Variants in EXO1 observed in about 807,000 individuals in gnomAD.
EXO1 encodes exonuclease 1.
Under a neutral mutation model 84.5 loss-of-function variants are expected in EXO1, and 69 were observed. That is an observed-to-expected ratio of 0.82 (90% confidence interval 0.67 to 1.00). The LOEUF (loss-of-function observed/expected upper bound fraction) is 1.00. Ranked by LOEUF, EXO1 falls within the 50% of genes least tolerant of loss-of-function variation. EXO1 has a pLI of 0.00. For synonymous variants in EXO1, 373 were observed against 366.1 expected (o/e 1.02, Z -0.21); for missense variants, 1,045 against 1,000.7 (o/e 1.04, Z -0.60).
intron 5 of EXO1, among the ~76,000 whole-genome samples, 161 bp from the exon 6 acceptor site, chr1:241,853,197 A>G (rs1187823846): frequency 6.6e-6 from 1 of 152,098 alleles, no homozygotes; most frequent in African/African-American, 2.4e-5. Context: ...TTAGAAGCCT[A>G]AAGCATCTGG....
chr1:241,855,930 G>GC (rs1661001131), intron 6 of EXO1, among the ~76,000 whole-genome samples: 1 of 152,178 alleles, frequency 6.6e-6, no homozygotes. Context: ...CAAGCACCGC[G>GC]CGCAGCCCCA....
chr1:241,872,161 G>A lies in EXO1; in HGVS notation c.1397G>A (p.Gly466Glu). 6.2e-7 allele frequency: 1 copy of A among 1,613,972 alleles called. No homozygotes were observed. The highest frequency in any genetic ancestry group is 8.5e-7 in the Non-Finnish European group (1 of 1,179,972). The change falls in exon 12 of 16, where the codon GGA (glycine) becomes GAA (glutamate). Residue 466 changes from glycine (G) to glutamate (E), a missense_variant. Coordinates refer to ENST00000366548, the MANE Select transcript of EXO1 (RefSeq NM_130398.4). Reference sequence around the variant, plus strand: ...GTGTTTGTGCCTGACCTGGTAAATGGACCTACTAACAAAAAGAGTGTAAGC... The same window carrying A: ...GTGTTTGTGCCTGACCTGGTAAATGAACCTACTAACAAAAAGAGTGTAAGC... ...SEVFVPDLVN[G>E]PTNKKSVSTP...
At chr1:241,855,082 G>A (rs534025764) in intron 6 of EXO1, among the ~76,000 whole-genome samples, 1 of 152,186 alleles carries the variant, frequency 6.6e-6, no homozygotes, top group Admixed American at 6.5e-5. Context: ...GTATTGCAAA[G>A]AGCGAAAGAA....
Position 241,885,385 on chromosome 1 carries a change from C to G in EXO1, c.2283C>G (p.Ala761=). The change falls in exon 15 of 16, where the codon GCC becomes GCG. Residue 761 remains alanine (A), a synonymous_variant. Transcript: ENST00000366548. ...CCAAGATCAAACCTCTAGGACCTGCCAGAGCCAGTGGGCTGAGCAAGAAGC... is the reference window on the plus strand; with the variant it reads ...CCAAGATCAAACCTCTAGGACCTGCGAGAGCCAGTGGGCTGAGCAAGAAGC... The part of the protein sequence containing the change: ...STTKIKPLGP[A]RASGLSKKPA... 1 of 1,613,730 alleles carries G rather than the reference C, an allele frequency of 6.2e-7. No homozygotes were observed.
intron 11 of EXO1, 28 bp from the exon 12 acceptor site, chr1:241,872,004 A>T (rs969211355): frequency 1.1e-5 from 17 of 1,599,564 alleles, no homozygotes; most frequent in Admixed American, 1.0e-4. Flanking sequence ...TGAAACAAAG[A>T]TTTACAGATA....
At position 241,872,167 on chromosome 1, in the gene EXO1, C is replaced by G; in HGVS notation, c.1403C>G (p.Thr468Ser). 6.2e-7 allele frequency: 1 copy of G among 1,613,872 alleles called. No individual in the cohort carries two copies. The highest frequency in any genetic ancestry group is 8.5e-7 in the Non-Finnish European group (1 of 1,179,932). Residue 468 changes from threonine (T) to serine (S), a missense_variant, in exon 12 of 16, where the codon ACT becomes AGT. Coordinates refer to ENST00000366548, the MANE Select transcript of EXO1 (RefSeq NM_130398.4). Reference sequence around the variant, plus strand: ...GTGCCTGACCTGGTAAATGGACCTACTAACAAAAAGAGTGTAAGCACTCCA... The same window carrying G: ...GTGCCTGACCTGGTAAATGGACCTAGTAACAAAAAGAGTGTAAGCACTCCA... ...VFVPDLVNGP[T>S]NKKSVSTPPR...
intron 15 of EXO1, among the ~76,000 whole-genome samples, chr1:241,886,434 T>G (rs1225389054): frequency 6.6e-6 from 1 of 152,084 alleles, no homozygotes; most frequent in Admixed American, 6.6e-5. Context: ...TTAATAAAAG[T>G]TTTTTTTAAT....
chr1:241,858,332 A>G (rs903124966), intron 7 of EXO1, among the ~76,000 whole-genome samples, 174 bp from the exon 8 acceptor site: 1 of 152,188 alleles, frequency 6.6e-6, no homozygotes, highest in African/African-American at 2.4e-5. Context: ...GTCATATCCT[A>G]TGCTTCAGCA....
intron 9 of EXO1, 34 bp downstream of exon 9, chr1:241,860,738 G>A: frequency 6.4e-7 from 1 of 1,555,026 alleles, no homozygotes; most frequent in Non-Finnish European, 8.9e-7. Context: ...TAGAATTTGT[G>A]CATTTTTCTT....
At chr1:241,856,063 A>G (rs986355652) in intron 6 of EXO1, among the ~76,000 whole-genome samples, 2 of 152,344 alleles carry the variant, frequency 1.3e-5, no homozygotes, top group South Asian at 4.1e-4. Context: ...AAGTGCCGCC[A>G]AAGTGGGAGC....
rs10641736 is a variant in EXO1, at chr1:241,850,836, C to CTTTTT, written c.161+269_161+273dup. 2.1e-4 allele frequency among the ~76,000 whole-genome samples: 22 copies of CTTTTT among 105,084 alleles called. 1 individual carries two copies. The highest frequency in any genetic ancestry group is 3.4e-4 in the Admixed American group (3 of 8,918). The allele number at this position is 105,084 out of a possible 152,430, so 68.9% of individuals were successfully genotyped here. ...AAAGACTATTAATATCTCCTTTATT[C>CTTTTT]TTTTTTTTTTTTTTTTTTTTTTTAG... On this transcript the variant is annotated intron_variant, in intron 4 of 15. Coordinates refer to ENST00000366548, the MANE Select transcript of EXO1 (RefSeq NM_130398.4).
At chr1:241,869,071 C>T (rs923267670) in intron 11 of EXO1, among the ~76,000 whole-genome samples, 3 of 152,010 alleles carry the variant, frequency 2.0e-5, no homozygotes, top group African/African-American at 7.3e-5. Context: ...GTTTAAATAC[C>T]TTTTATTTCT....
At chr1:241,852,167 C>A in intron 4 of EXO1, 125 bp from the exon 5 acceptor site, 2 of 842,998 alleles carry the variant, frequency 2.4e-6, no homozygotes, top group South Asian at 1.5e-5. Flanking sequence ...CCTATGAAAA[C>A]ATCTGCTTAA....
chr1:241,865,195 A>ATT (rs1455508805), intron 10 of EXO1, among the ~76,000 whole-genome samples: 132 of 120,440 alleles, frequency 1.1e-3, no homozygotes, highest in African/African-American at 4.0e-3. Context: ...ATATATATAT[A>ATT]TTTTTTGACT....
chr1:241,888,132 C>T (rs1484655059), intron 15 of EXO1, among the ~76,000 whole-genome samples: 4 of 152,160 alleles, frequency 2.6e-5, no homozygotes, highest in African/African-American at 9.7e-5. Flanking sequence ...CCCAGCTTCT[C>T]AGGAGGCTGA....
chr1:241,883,829 G>A (rs1662901481), intron 14 of EXO1, among the ~76,000 whole-genome samples: 2 of 152,112 alleles, frequency 1.3e-5, no homozygotes, highest in South Asian at 4.1e-4. Context: ...GATACATGCA[G>A]AATTATTTAC....
intron 12 of EXO1, among the ~76,000 whole-genome samples, chr1:241,875,864 C>T (rs749573407): frequency 7.9e-5 from 12 of 152,100 alleles, no homozygotes; most frequent in Non-Finnish European, 1.0e-4. Flanking sequence ...GGTGACAAAG[C>T]GAGACTTCGT....
chr1:241,883,865 G>A (rs937150113), intron 14 of EXO1, among the ~76,000 whole-genome samples: 2 of 152,116 alleles, frequency 1.3e-5, no homozygotes, highest in Non-Finnish European at 2.9e-5. Context: ...TGGAGATGTA[G>A]AAAGTACTTT....
At position 241,855,449 on chromosome 1, in the gene EXO1, T is replaced by C. The variant is rs186175732; in HGVS notation, c.406-1896T>C. Among the ~76,000 whole-genome samples the C allele has an allele frequency of 5.3e-3, 809 of 152,290 alleles. 5 individuals are homozygous for C. The highest frequency in any genetic ancestry group is 0.019 in the African/African-American group (781 of 41,560). On this transcript the variant is annotated intron_variant, in intron 6 of 15. Coordinates refer to ENST00000366548, the MANE Select transcript of EXO1 (RefSeq NM_130398.4). The stretch of plus-strand genomic sequence containing the variant: ...TAGATACAGAGTGCCGATTGGTGTA[T>C]TTACAATCCCTGAGCTAGACGTAAA...
Sources: allele counts gnomAD v4.1 joint callset (sites outside exome capture counted in the v4.1 genomes callset), GRCh38; gene constraint gnomAD v4.1.1; transcripts MANE v1.5; gene names NCBI Gene and HGNC (gene_info 2026-07-23, HGNC 2026-07-21).